NIPBL: variants seen among roughly 807,000 people sequenced by gnomAD.
NIPBL encodes the protein nipped-B-like protein.
NIPBL carries 19 observed loss-of-function variants against 321.8 expected under a neutral mutation model. The ratio of observed to expected loss-of-function variants is 0.06; its 90% CI spans 0.04 to 0.09. NIPBL has a LOEUF of 0.09. Ranked by LOEUF, NIPBL falls within the 10% of genes least tolerant of loss-of-function variation. NIPBL has a pLI of 1.00. For missense variants in NIPBL, 2,210 were observed against 3,327.0 expected (o/e 0.66, Z 8.26); for synonymous variants, 1,106 against 1,114.1 (o/e 0.99, Z 0.14).
intron 1 of NIPBL, among the ~76,000 whole-genome samples, chr5:36,921,893 T>G (rs879287549): frequency 1.4e-3 from 136 of 99,306 alleles, no homozygotes; most frequent in Non-Finnish European, 2.2e-3. Flanking sequence ...GTTTTTTTTG[T>G]TTTTTTTTTT....
At chr5:36,970,719 CAG>C (rs1473386951) in intron 6 of NIPBL, among the ~76,000 whole-genome samples, 155 bp from the exon 7 acceptor site, 2 of 151,944 alleles carry the variant, frequency 1.3e-5, no homozygotes, top group African/African-American at 4.8e-5. Flanking sequence ...TGGAATCTGG[CAG>C]AGTGTTAAGA....
intron 9 of NIPBL, among the ~76,000 whole-genome samples, chr5:36,977,654 C>T (rs1365130084): frequency 5.4e-5 from 8 of 147,842 alleles, no homozygotes; most frequent in Non-Finnish European, 8.9e-5. Flanking sequence ...GGGTTTGTTA[C>T]GTGGGTATAT....
At chr5:37,005,076 CA>C in intron 16 of NIPBL, among the ~76,000 whole-genome samples, 1 of 152,208 alleles carries the variant, frequency 6.6e-6, no homozygotes, top group Middle Eastern at 3.4e-3. Context: ...GGATTTTTTG[CA>C]ATTTCTTTTT....
chr5:37,038,149 C>T (rs1360232066), intron 33 of NIPBL, among the ~76,000 whole-genome samples: 2 of 152,020 alleles, frequency 1.3e-5, no homozygotes, highest in African/African-American at 4.8e-5. Flanking sequence ...ATCACCACAC[C>T]GGGCTAATTT....
At chr5:37,003,946 T>C (rs1271863961) in intron 16 of NIPBL, among the ~76,000 whole-genome samples, 1 of 152,192 alleles carries the variant, frequency 6.6e-6, no homozygotes, top group Admixed American at 6.5e-5. Context: ...GTTTTTGAGT[T>C]ATGAGATGAT....
intron 18 of NIPBL, 42 bp downstream of exon 18, chr5:37,007,516 A>ATGAT: frequency 6.9e-7 from 1 of 1,446,786 alleles, no homozygotes; most frequent in Non-Finnish European, 9.7e-7. Context: ...TCTAAACTAA[A>ATGAT]TGATTAAGTC....
intron 22 of NIPBL, 70 bp from the exon 23 acceptor site, chr5:37,015,968 A>G: frequency 6.7e-7 from 1 of 1,500,284 alleles, no homozygotes; most frequent in Non-Finnish European, 9.3e-7. Context: ...AATTTCAATC[A>G]TGTTGGTAGA....
intron 9 of NIPBL, among the ~76,000 whole-genome samples, chr5:36,977,003 G>A (rs72736703): frequency 3.8e-4 from 58 of 152,044 alleles, no homozygotes; most frequent in Non-Finnish European, 6.8e-4. Context: ...TAGTATGTTA[G>A]GATGGAGTTT....
At chr5:36,894,880 T>C (rs909602563) in intron 1 of NIPBL, among the ~76,000 whole-genome samples, 66 of 152,334 alleles carry the variant, frequency 4.3e-4, no homozygotes, top group African/African-American at 1.6e-3. Flanking sequence ...TTATAAACTC[T>C]TAGAGGACAC....
rs1329131567 is a variant in NIPBL, at chr5:36,955,497, T to A, written c.90T>A (p.Ser30=). The A allele has an allele frequency of 1.2e-6, 2 of 1,613,970 alleles. No individual in the cohort carries two copies. Among genetic ancestry groups the A allele is most frequent in the Non-Finnish European group, 1.7e-6 (2 of 1,179,866 alleles). The change falls in exon 3 of 47, where the codon TCT becomes TCA. Residue 30 remains serine (S), a synonymous_variant. Coordinates refer to ENST00000282516, the MANE Select transcript of NIPBL (RefSeq NM_133433.4). ...TDLLNQLPLP[S]PLPATTTKSL... ...TCCTGAACCAGCTGCCTCTTCCATCTCCTTTACCTGCTACAACTACAAAGA... is the reference window on the plus strand; with the variant it reads ...TCCTGAACCAGCTGCCTCTTCCATCACCTTTACCTGCTACAACTACAAAGA...
At chr5:36,949,912 T>C (rs1392991932) in intron 1 of NIPBL, among the ~76,000 whole-genome samples, 1 of 152,004 alleles carries the variant, frequency 6.6e-6, no homozygotes, top group Non-Finnish European at 1.5e-5. Flanking sequence ...TGCTTAAAAG[T>C]TCCCTTCAGA....
intron 1 of NIPBL, among the ~76,000 whole-genome samples, chr5:36,890,481 C>T (rs970760518): frequency 6.6e-6 from 1 of 152,198 alleles, no homozygotes; most frequent in African/African-American, 2.4e-5. Flanking sequence ...ATTATTAGGT[C>T]ATTTAAATGC....
intron 1 of NIPBL, among the ~76,000 whole-genome samples, chr5:36,953,260 A>G (rs1246463232): frequency 6.6e-6 from 1 of 152,240 alleles, no homozygotes; most frequent in African/African-American, 2.4e-5. Flanking sequence ...GTCGAGGTTG[A>G]TCAAGTATTC....
rs750063692 is a variant in NIPBL at position 37,064,827 on chromosome 5, C to A, written c.8350C>A (p.Leu2784Met). ...AATTGCTCTAACGAGTGCTAATAAG[C>A]TGACTAATAAAGTTGTTCAGACTTT... ...KKIALTSANK[L>M]TNKVVQTLRS... The change falls in exon 47 of 47, where the codon CTG (leucine) becomes ATG (methionine). Residue 2784 changes from leucine (L) to methionine (M), a missense_variant. Physicochemically the swap from Leu to Met is conservative, Grantham distance 15. Transcript: ENST00000282516. 1.2e-6 allele frequency: 2 copies of A among 1,614,026 alleles called. No homozygotes were observed. Among genetic ancestry groups the A allele is most frequent in the African/African-American group, 1.3e-5 (1 of 74,926 alleles).
intron 21 of NIPBL, among the ~76,000 whole-genome samples, chr5:37,011,875 C>G (rs1023549913): frequency 1.3e-5 from 2 of 151,872 alleles, no homozygotes; most frequent in African/African-American, 2.4e-5. Context: ...CAACTTAAAG[C>G]AAAAGTTTCT....
intron 10 of NIPBL, among the ~76,000 whole-genome samples, chr5:36,991,933 T>A (rs1023982422): frequency 6.6e-6 from 1 of 152,156 alleles, no homozygotes; most frequent in Admixed American, 6.5e-5. Flanking sequence ...CAGAACACAT[T>A]GTTAGTTATC....
At chr5:37,047,853 G>A (rs1753138279) in intron 38 of NIPBL, among the ~76,000 whole-genome samples, 1 of 152,088 alleles carries the variant, frequency 6.6e-6, no homozygotes, top group South Asian at 2.1e-4. Flanking sequence ...AATAAACATG[G>A]ATGATATATT....
chr5:36,931,609 A>G (rs2149572374), intron 1 of NIPBL, among the ~76,000 whole-genome samples: 1 of 152,196 alleles, frequency 6.6e-6, no homozygotes, highest in Middle Eastern at 3.4e-3. Flanking sequence ...GAGCCATCAC[A>G]CCGGGCCTTC....
At chr5:36,944,796 T>C (rs1719401456) in intron 1 of NIPBL, among the ~76,000 whole-genome samples, 1 of 152,132 alleles carries the variant, frequency 6.6e-6, no homozygotes, top group South Asian at 2.1e-4. Flanking sequence ...AAGTTGAAAG[T>C]GTGCCCTCTT....
Sources: allele counts gnomAD v4.1 joint callset (sites outside exome capture counted in the v4.1 genomes callset), GRCh38; gene constraint gnomAD v4.1.1; transcripts MANE v1.5; gene names NCBI Gene and HGNC (gene_info 2026-07-23, HGNC 2026-07-21).